The following NELL1 variants were observed in gnomAD, a reference collection of about 807,000 sequenced individuals.
NELL1 encodes the protein neural EGFL like 1, also known as protein kinase C-binding protein NELL1.
NELL1 carries 76 observed loss-of-function variants against 107.4 expected under a neutral mutation model. That is an observed-to-expected ratio of 0.71 (90% CI 0.59 to 0.86). The LOEUF is 0.86. Ranked by LOEUF, NELL1 falls within the 40% of genes least tolerant of loss-of-function variation. The pLI is 0.00. For synonymous variants in NELL1, 353 were observed against 341.2 expected (o/e 1.03, Z -0.38); for missense variants, 1,024 against 1,005.5 (o/e 1.02, Z -0.25).
At position 21,487,548 on chromosome 11, in the gene NELL1, A is replaced by AGGAAGG. The variant is rs1206995183; in HGVS notation, c.1646-46824_1646-46819dup. On this transcript the variant is annotated intron_variant, in intron 15 of 19. Transcript: ENST00000357134. Reference sequence around the variant, plus strand: ...TAAACCATACACACAAATGAGAAAGAGGAAGGGCTCAAGTGGTTCCACTAC... The same window carrying AGGAAGG: ...TAAACCATACACACAAATGAGAAAGAGGAAGGGGAAGGGCTCAAGTGGTTCCACTAC... Among the ~76,000 whole-genome samples, 91 of 152,268 alleles carry AGGAAGG rather than the reference A, an allele frequency of 6.0e-4. 1 individual carries two copies. The highest frequency in any genetic ancestry group is 2.1e-3 in the African/African-American group (89 of 41,556).
chr11:21,036,805 T>C (rs1295073554), intron 12 of NELL1, among the ~76,000 whole-genome samples: 1 of 151,974 alleles, frequency 6.6e-6, no homozygotes, highest in African/African-American at 2.4e-5. Flanking sequence ...TTTTGTTTTC[T>C]GGTTTCCTTT....
chr11:20,994,705 T>C (rs1852050928), intron 12 of NELL1, among the ~76,000 whole-genome samples: 1 of 152,210 alleles, frequency 6.6e-6, no homozygotes. Context: ...GTACTTACAT[T>C]TTATATTACA....
intron 14 of NELL1, among the ~76,000 whole-genome samples, chr11:21,343,343 T>A (rs1032546446): frequency 6.6e-6 from 1 of 152,160 alleles, no homozygotes; most frequent in Admixed American, 6.6e-5. Context: ...CTTTGGCTTG[T>A]GCAGGATCAT....
chr11:21,544,791 GA>G (rs1343569997), intron 16 of NELL1, among the ~76,000 whole-genome samples: 2 of 151,730 alleles, frequency 1.3e-5, no homozygotes, highest in African/African-American at 4.8e-5. Context: ...CACACTAATT[GA>G]AAACTTGAGA....
At chr11:21,460,158 G>C (rs992661434) in intron 15 of NELL1, among the ~76,000 whole-genome samples, 1 of 151,942 alleles carries the variant, frequency 6.6e-6, no homozygotes, top group African/African-American at 2.4e-5. Flanking sequence ...TATTTGTAAA[G>C]AAGACCAGAA....
chr11:21,064,104 G>C (rs1200183295), intron 12 of NELL1, among the ~76,000 whole-genome samples: 3 of 152,148 alleles, frequency 2.0e-5, no homozygotes, highest in Non-Finnish European at 4.4e-5. Context: ...GTATGTTTCT[G>C]TCATAGTCAG....
At chr11:21,120,482 G>A (rs773735203) in intron 13 of NELL1, among the ~76,000 whole-genome samples, 5 of 152,118 alleles carry the variant, frequency 3.3e-5, no homozygotes, top group Non-Finnish European at 7.4e-5. Context: ...AATTTTCCAC[G>A]GATCATCATT....
chr11:21,062,967 A>G (rs938412934), intron 12 of NELL1, among the ~76,000 whole-genome samples: 3 of 152,022 alleles, frequency 2.0e-5, no homozygotes, highest in Admixed American at 2.0e-4. Context: ...AGCTGGGATT[A>G]CAAACGTATG....
chr11:20,775,227 T>C (rs567502675), intron 2 of NELL1, among the ~76,000 whole-genome samples: 2 of 152,252 alleles, frequency 1.3e-5, no homozygotes, highest in African/African-American at 2.4e-5. Context: ...CATGCCTATC[T>C]ATCTGCTATG....
chr11:20,701,289 T>C lies in NELL1; in HGVS notation c.184+23229T>C, dbSNP rs528995394. ...GATGAGCATTTTTTCATGTGTCTTT[T>C]GGCTGCATAAATGTCTTCTTTTGAG... On this transcript the variant is annotated intron_variant, in intron 2 of 19. Transcript: ENST00000357134. Among the ~76,000 whole-genome samples, 10 of 152,296 alleles carry C rather than the reference T, an allele frequency of 6.6e-5. No individual in the cohort carries two copies. In the South Asian group the frequency reaches 2.1e-3, roughly 32 times the overall value.
At chr11:20,904,615 A>G (rs1849952952) in intron 5 of NELL1, among the ~76,000 whole-genome samples, 1 of 152,118 alleles carries the variant, frequency 6.6e-6, no homozygotes, top group African/African-American at 2.4e-5. Context: ...TGCCTAGGGC[A>G]AGAGGTAAGG....
At chr11:20,765,877 C>T (rs1856519483) in intron 2 of NELL1, among the ~76,000 whole-genome samples, 1 of 152,108 alleles carries the variant, frequency 6.6e-6, no homozygotes. Flanking sequence ...GTGTGCATTC[C>T]AGCAGTGTTA....
chr11:21,319,131 ATGTGTGTGTG>A (rs35208989), intron 14 of NELL1, among the ~76,000 whole-genome samples: 2 of 146,642 alleles, frequency 1.4e-5, no homozygotes, highest in African/African-American at 5.0e-5. Flanking sequence ...TCTCAGCAAT[ATGTGTGTGTG>A]TGTGTGTGTG....
intron 14 of NELL1, 112 bp downstream of exon 14, chr11:21,229,566 G>C (rs1857989339): frequency 7.1e-7 from 1 of 1,412,516 alleles, no homozygotes; most frequent in Admixed American, 2.0e-5. Context: ...CAGGGTTCCT[G>C]CTCCTGGTTT....
At chr11:21,337,182 G>T in intron 14 of NELL1, among the ~76,000 whole-genome samples, 1 of 152,036 alleles carries the variant, frequency 6.6e-6, no homozygotes, top group East Asian at 1.9e-4. Flanking sequence ...CAAAATGGAG[G>T]GGCCTGGGGT....
chr11:21,537,103 G>C (rs1856158842), intron 16 of NELL1, among the ~76,000 whole-genome samples: 1 of 152,056 alleles, frequency 6.6e-6, no homozygotes, highest in Non-Finnish European at 1.5e-5. Context: ...CACACTTTTG[G>C]GAAAACATTT....
intron 13 of NELL1, among the ~76,000 whole-genome samples, chr11:21,131,554 C>CAA (rs1161046981): frequency 6.6e-6 from 1 of 152,170 alleles, no homozygotes; most frequent in Non-Finnish European, 1.5e-5. Context: ...TCTTTGAAGC[C>CAA]AAGATTCATG....
rs779547213 is a variant in NELL1 at position 21,284,138 on chromosome 11, G to A, written c.1549+54684G>A. The A allele has an allele frequency of 1.0e-4, 43 of 424,778 alleles. No individual in the cohort carries two copies. In the Middle Eastern group the frequency reaches 1.1e-3, roughly 11 times the overall value. 26.3% of individuals were successfully genotyped at this position (424,778 alleles called of 1,614,324 possible). The stretch of plus-strand genomic sequence containing the variant: ...AAACCGTGTGGCTTTGAAGAGTAGC[G>A]TTAAAACTGACGACACCCTGCCACC... On this transcript the variant is annotated intron_variant, in intron 14 of 19. Coordinates refer to ENST00000357134, the MANE Select transcript of NELL1 (RefSeq NM_006157.5).
Position 21,575,185 on chromosome 11 carries a change from G to A in NELL1, c.*163G>A. ...GACGGTGTTTGGAGGTTGCCTTTTGGACCTACCACTTTGCTCATTCTTGCT... is the reference window on the plus strand; with the variant it reads ...GACGGTGTTTGGAGGTTGCCTTTTGAACCTACCACTTTGCTCATTCTTGCT... On this transcript the variant is annotated 3_prime_UTR_variant, in exon 20 of 20. Transcript: ENST00000357134. 1.6e-6 allele frequency: 1 copy of A among 635,686 alleles called. No homozygotes were observed. The highest frequency in any genetic ancestry group is 2.8e-6 in the Non-Finnish European group (1 of 356,962). The allele number at this position is 635,686 out of a possible 1,614,324, so 39.4% of individuals were successfully genotyped here.
Sources: allele counts gnomAD v4.1 joint callset (sites outside exome capture counted in the v4.1 genomes callset), GRCh38; gene constraint gnomAD v4.1.1; transcripts MANE v1.5; gene names NCBI Gene and HGNC (gene_info 2026-07-23, HGNC 2026-07-21).